The following SH3BGRL variants were observed in gnomAD, a reference collection of about 807,000 sequenced individuals.
SH3BGRL encodes SH3 domain binding glutamate rich protein like.
SH3BGRL carries 7 observed loss-of-function variants against 9.8 expected under a neutral mutation model. The observed-to-expected ratio is 0.72, with a 90% confidence interval of 0.41 to 1.35. The LOEUF (loss-of-function observed/expected upper bound fraction) is 1.35, where lower values mean the gene tolerates loss of function less well. SH3BGRL is among the 40% of genes most tolerant of loss of function. The pLI, the probability that SH3BGRL is intolerant of heterozygous loss-of-function variation, is 0.01. For missense variants in SH3BGRL, 73 were observed against 84.4 expected (o/e 0.86, Z 0.53); for synonymous variants, 36 against 29.1 (o/e 1.24, Z -0.76).
intron 1 of SH3BGRL, among the ~76,000 whole-genome samples, chrX:81,216,046 C>G (rs1436458052): frequency 9.0e-6 from 1 of 111,457 alleles, no homozygotes; most frequent in Non-Finnish European, 1.9e-5. Context: ...TCTATAATTC[C>G]CTCACCTTGA....
At chrX:81,261,396 T>C in intron 1 of SH3BGRL, among the ~76,000 whole-genome samples, 1 of 111,300 alleles carries the variant, frequency 9.0e-6, no homozygotes, top group Non-Finnish European at 1.9e-5. Flanking sequence ...TGATATGAAT[T>C]ATAAGAAGAC....
intron 1 of SH3BGRL, among the ~76,000 whole-genome samples, chrX:81,216,588 C>G (rs1033543453): frequency 1.3e-4 from 14 of 110,961 alleles, no homozygotes; most frequent in African/African-American, 4.6e-4. Flanking sequence ...TCCTCCCTAC[C>G]CTACCCATTA....
intron 1 of SH3BGRL, among the ~76,000 whole-genome samples, chrX:81,269,278 TCGCC>T (rs1329964431): frequency 1.1e-4 from 12 of 111,471 alleles, no homozygotes; most frequent in African/African-American, 3.9e-4. Context: ...GCTGGTTATT[TCGCC>T]TGTTAATTGA....
intron 1 of SH3BGRL, among the ~76,000 whole-genome samples, chrX:81,270,858 G>T (rs762150666): frequency 1.2e-4 from 14 of 112,268 alleles, no homozygotes; most frequent in Non-Finnish European, 2.1e-4. Flanking sequence ...GAGGCAGTAG[G>T]CCTTGCTAAG....
chrX:81,266,492 A>G (rs886554690), intron 1 of SH3BGRL, among the ~76,000 whole-genome samples: 6 of 111,665 alleles, frequency 5.4e-5, no homozygotes, highest in Non-Finnish European at 9.4e-5. Flanking sequence ...CGTGTGTCAG[A>G]TTTATCGAAG....
intron 1 of SH3BGRL, among the ~76,000 whole-genome samples, chrX:81,230,110 A>G (rs1359057862): frequency 8.9e-6 from 1 of 111,837 alleles, no homozygotes; most frequent in Non-Finnish European, 1.9e-5. Flanking sequence ...ATGACTATAC[A>G]TTATAATACT....
At chrX:81,289,206 G>A (rs1458875160) in intron 3 of SH3BGRL, among the ~76,000 whole-genome samples, 1 of 112,010 alleles carries the variant, frequency 8.9e-6, no homozygotes, top group Non-Finnish European at 1.9e-5. Context: ...ATGGTGCTGG[G>A]AAAACTGGAC....
intron 1 of SH3BGRL, among the ~76,000 whole-genome samples, chrX:81,237,474 T>C (rs1374736593): frequency 8.9e-6 from 1 of 111,763 alleles, no homozygotes; most frequent in Non-Finnish European, 1.9e-5. Context: ...AACTCAGTTC[T>C]GTCCTGTTAG....
intron 1 of SH3BGRL, among the ~76,000 whole-genome samples, chrX:81,240,381 AT>A (rs1360593959): frequency 1.8e-5 from 2 of 112,278 alleles, no homozygotes; most frequent in African/African-American, 6.5e-5. Context: ...ATAAGATAGT[AT>A]TTGCAAGTAT....
At chrX:81,296,940 A>T (rs887843184) in intron 3 of SH3BGRL, among the ~76,000 whole-genome samples, 2 of 112,241 alleles carry the variant, frequency 1.8e-5, no homozygotes, top group African/African-American at 6.5e-5. Context: ...TAAAATATCA[A>T]TTATAATTGT....
rs781247711 is a variant in SH3BGRL at position 81,246,996 on chromosome X, T to C, written c.46-29988T>C. On this transcript the variant is annotated intron_variant, in intron 1 of 3. Coordinates refer to ENST00000373212, the MANE Select transcript of SH3BGRL (RefSeq NM_003022.3). The stretch of plus-strand genomic sequence containing the variant: ...GTCTTTGATTTCTTTTGGAACTGTT[T>C]TGTAGTTTTTGTTATAGAGATCTTT... Among the ~76,000 whole-genome samples, 4 of 112,023 alleles carry C rather than the reference T, an allele frequency of 3.6e-5. No individual in the cohort carries two copies. In the East Asian group the frequency reaches 1.1e-3, roughly 31 times the overall value.
chrX:81,218,991 T>G (rs1041331463), intron 1 of SH3BGRL, among the ~76,000 whole-genome samples: 10 of 109,541 alleles, frequency 9.1e-5, no homozygotes, highest in African/African-American at 3.0e-4. Context: ...TCAGTAGCAT[T>G]TCTAAATGCC....
At chrX:81,241,730 G>C (rs2075670557) in intron 1 of SH3BGRL, among the ~76,000 whole-genome samples, 2 of 112,206 alleles carry the variant, frequency 1.8e-5, no homozygotes, top group African/African-American at 6.5e-5. Context: ...CCCCGAGCCA[G>C]AGATGTGACA....
At chrX:81,284,744 G>A (rs2075829035) in intron 3 of SH3BGRL, among the ~76,000 whole-genome samples, 1 of 110,983 alleles carries the variant, frequency 9.0e-6, no homozygotes, top group Non-Finnish European at 1.9e-5. Context: ...GATCCCTGAG[G>A]AGAATTGAAC....
At chrX:81,233,285 A>G (rs1180394033) in intron 1 of SH3BGRL, among the ~76,000 whole-genome samples, 1 of 112,168 alleles carries the variant, frequency 8.9e-6, no homozygotes, top group Non-Finnish European at 1.9e-5. Context: ...TTATTTATTC[A>G]GTCTATAGAT....
At chrX:81,275,369 G>A (rs749099007) in intron 1 of SH3BGRL, among the ~76,000 whole-genome samples, 68 of 111,424 alleles carry the variant, frequency 6.1e-4, no homozygotes, top group African/African-American at 2.1e-3. Context: ...AAAATGCTGG[G>A]ATTACAGATG....
intron 2 of SH3BGRL, 76 bp downstream of exon 2, chrX:81,277,245 C>T (rs2075801548): frequency 2.4e-6 from 2 of 848,769 alleles, no homozygotes; most frequent in East Asian, 6.8e-5. Flanking sequence ...CCTCTGCCTC[C>T]AAGCCTGCAT....
intron 1 of SH3BGRL, among the ~76,000 whole-genome samples, chrX:81,258,648 C>T (rs1028301545): frequency 3.6e-5 from 4 of 112,105 alleles, no homozygotes; most frequent in African/African-American, 9.7e-5. Context: ...GGCCATGGGC[C>T]ATTTCTAAGG....
chrX:81,229,612 G>T (rs896190784), intron 1 of SH3BGRL, among the ~76,000 whole-genome samples: 1 of 111,571 alleles, frequency 9.0e-6, no homozygotes, highest in Non-Finnish European at 1.9e-5. Context: ...TCCTCTGACT[G>T]CCCTGGCCAA....
Sources: gnomAD v4.1 joint callset for allele counts (sites outside exome capture counted in the v4.1 genomes callset) on GRCh38, gnomAD v4.1.1 for gene constraint, MANE v1.5 for transcripts, NCBI Gene and HGNC (gene_info 2026-07-23, HGNC 2026-07-21) for gene names.